KLHL32: variants seen among roughly 807,000 people sequenced by gnomAD.
The protein encoded by KLHL32 is kelch like family member 32.
KLHL32 carries 35 observed loss-of-function variants against 64.8 expected under a neutral mutation model. The ratio of observed to expected loss-of-function variants is 0.54; its 90% confidence interval spans 0.41 to 0.72. The LOEUF (loss-of-function observed/expected upper bound fraction) is 0.72. Among genes scored for constraint, KLHL32 ranks in the 30% least tolerant of loss-of-function variants. KLHL32 has a pLI of 0.00. For missense variants in KLHL32, 589 were observed against 768.5 expected, an observed-to-expected ratio of 0.77 and a Z score of 2.76; for synonymous variants, 259 against 281.0, an observed-to-expected ratio of 0.92 and a Z score of 0.78.
chr6:96,976,439 A>C (rs987394442), intron 3 of KLHL32, among the ~76,000 whole-genome samples: 1 of 152,130 alleles, frequency 6.6e-6, no homozygotes, highest in Non-Finnish European at 1.5e-5. Flanking sequence ...CACCATGGGA[A>C]AATGTGGCAC....
chr6:96,926,296 A>G (rs1769152991), intron 1 of KLHL32, among the ~76,000 whole-genome samples: 1 of 152,246 alleles, frequency 6.6e-6, no homozygotes, highest in Non-Finnish European at 1.5e-5. Flanking sequence ...ACTCTGTCAT[A>G]GAGAGTGTAA....
In KLHL32 at chr6:96,984,785, T is replaced by C. The variant is rs2128054845; in HGVS notation, c.204+8608T>C. On this transcript the variant is annotated intron_variant, in intron 3 of 10. Coordinates refer to ENST00000369261, the MANE Select transcript of KLHL32 (RefSeq NM_052904.4). ...GTGTGTCTCTGCACGTGAGATGGGT[T>C]TCCTGAATACAGTACAGTGATGGGT... 1.3e-5 allele frequency among the ~76,000 whole-genome samples: 2 copies of C among 152,318 alleles called. 1 individual carries two copies. The highest frequency in any genetic ancestry group is 4.8e-5 in the African/African-American group (2 of 41,572).
chr6:96,951,887 C>T (rs887674260), intron 1 of KLHL32, among the ~76,000 whole-genome samples: 2 of 152,096 alleles, frequency 1.3e-5, no homozygotes, highest in African/African-American at 4.8e-5. Context: ...CCTGGAGTAG[C>T]GTTGTTTTGT....
chr6:96,952,380 A>G (rs1224592765), intron 1 of KLHL32, among the ~76,000 whole-genome samples: 1 of 152,164 alleles, frequency 6.6e-6, no homozygotes, highest in African/African-American at 2.4e-5. Context: ...GTTTTTATGA[A>G]TTAGCCTATG....
chr6:97,042,172 A>G (rs1050287123), intron 4 of KLHL32, among the ~76,000 whole-genome samples: 2 of 152,194 alleles, frequency 1.3e-5, no homozygotes, highest in African/African-American at 2.4e-5. Context: ...TCAAATACAG[A>G]CTGGATGTTT....
chr6:97,116,939 A>G (rs889495710), intron 7 of KLHL32, among the ~76,000 whole-genome samples: 21 of 152,116 alleles, frequency 1.4e-4, no homozygotes, highest in African/African-American at 4.6e-4. Flanking sequence ...AACAATCACA[A>G]TTTTCTCAGG....
intron 5 of KLHL32, among the ~76,000 whole-genome samples, chr6:97,070,988 C>T (rs1790627914): frequency 6.6e-6 from 1 of 152,194 alleles, no homozygotes; most frequent in South Asian, 2.1e-4. Context: ...AACCACCTTT[C>T]TGCTCCTTAT....
chr6:97,108,143 CCTAAA>C (rs1261814723), intron 6 of KLHL32, among the ~76,000 whole-genome samples: 2 of 152,208 alleles, frequency 1.3e-5, no homozygotes, highest in African/African-American at 4.8e-5. Context: ...GTAATGTCCT[CCTAAA>C]CTGAATCTGT....
At chr6:96,935,974 C>T (rs1770547036) in intron 1 of KLHL32, among the ~76,000 whole-genome samples, 1 of 152,094 alleles carries the variant, frequency 6.6e-6, no homozygotes, top group African/African-American at 2.4e-5. Flanking sequence ...TGTGATAGGA[C>T]ACGGGTTTTA....
At chr6:96,960,585 G>A (rs903981310) in intron 1 of KLHL32, among the ~76,000 whole-genome samples, 9 of 152,168 alleles carry the variant, frequency 5.9e-5, no homozygotes, top group Non-Finnish European at 1.2e-4. Context: ...ATAAACCAGT[G>A]TTGGCAAAAA....
the KLHL32 span, among the ~76,000 whole-genome samples, chr6:96,919,130 A>G: frequency 6.6e-6 from 1 of 152,130 alleles, no homozygotes; most frequent in Admixed American, 6.5e-5. Flanking sequence ...GAGTGGAGTT[A>G]TTTGGGTTCC....
chr6:96,946,949 C>A (rs544138513), intron 1 of KLHL32, among the ~76,000 whole-genome samples: 2 of 151,936 alleles, frequency 1.3e-5, no homozygotes, highest in African/African-American at 4.8e-5. Context: ...TACTTATTAA[C>A]AGTGGGCACA....
the KLHL32 span, among the ~76,000 whole-genome samples, chr6:96,918,266 A>C: frequency 2.6e-5 from 4 of 152,212 alleles, no homozygotes; most frequent in Admixed American, 1.3e-4. Flanking sequence ...CCTTTGAGAG[A>C]ACTTGAAATA....
At chr6:96,934,872 G>C (rs1468933627) in intron 1 of KLHL32, among the ~76,000 whole-genome samples, 1 of 152,204 alleles carries the variant, frequency 6.6e-6, no homozygotes, top group African/African-American at 2.4e-5. Flanking sequence ...TAACAGGTTA[G>C]TAGTGAACTG....
At chr6:97,078,801 C>T (rs375610104) in intron 5 of KLHL32, among the ~76,000 whole-genome samples, 1 of 152,270 alleles carries the variant, frequency 6.6e-6, no homozygotes, top group African/African-American at 2.4e-5. Context: ...TAGACTAACT[C>T]CATTATCTAC....
intron 6 of KLHL32, among the ~76,000 whole-genome samples, chr6:97,103,239 C>T (rs899372235): frequency 8.0e-4 from 109 of 136,096 alleles, no homozygotes; most frequent in African/African-American, 3.0e-3. Context: ...TTTGAGACGG[C>T]GTCTCGCTCT....
chr6:96,986,506 G>A (rs1430274236), intron 3 of KLHL32, among the ~76,000 whole-genome samples: 1 of 152,218 alleles, frequency 6.6e-6, no homozygotes, highest in Non-Finnish European at 1.5e-5. Flanking sequence ...TCCTTGAGCT[G>A]TGGTGGGCTC....
At chr6:97,052,642 A>G (rs1224620662) in intron 4 of KLHL32, among the ~76,000 whole-genome samples, 6 of 152,196 alleles carry the variant, frequency 3.9e-5, no homozygotes, top group Non-Finnish European at 8.8e-5. Flanking sequence ...CCACTGCCCA[A>G]TAAAGGCCAA....
chr6:97,025,168 A>G, intron 3 of KLHL32: 1 of 924,918 alleles, frequency 1.1e-6, no homozygotes, highest in Non-Finnish European at 1.3e-6. Context: ...GAATTATTGG[A>G]ATCTGTAGAA....
Sources: allele counts gnomAD v4.1 joint callset (sites outside exome capture counted in the v4.1 genomes callset), GRCh38; gene constraint gnomAD v4.1.1; transcripts MANE v1.5; gene names NCBI Gene and HGNC (gene_info 2026-07-23, HGNC 2026-07-21).